Variants in TAFA2 observed in about 807,000 individuals in gnomAD.
TAFA2 encodes the protein chemokine-like protein TAFA-2.
A neutral mutation model predicts 18.8 loss-of-function variants in TAFA2; 7 were observed. The observed-to-expected ratio is 0.37, with a 90% CI of 0.21 to 0.70. The LOEUF (loss-of-function observed/expected upper bound fraction) is 0.70, where lower values mean the gene tolerates loss of function less well. TAFA2 is among the 30% of genes least tolerant of loss of function. TAFA2 has a pLI of 0.53. For synonymous variants in TAFA2, 60 were observed against 54.2 expected (o/e 1.11, Z -0.47); for missense variants, 122 against 158.1 (o/e 0.77, Z 1.23).
intron 4 of TAFA2, among the ~76,000 whole-genome samples, chr12:61,711,504 T>C (rs1228054803): frequency 6.6e-6 from 1 of 152,148 alleles, no homozygotes; most frequent in Non-Finnish European, 1.5e-5. Context: ...TTTTATTCTA[T>C]TAAGTGACAT....
At chr12:61,747,828 C>A (rs1333218507) in intron 4 of TAFA2, among the ~76,000 whole-genome samples, 9 of 150,536 alleles carry the variant, frequency 6.0e-5, no homozygotes, top group Non-Finnish European at 1.3e-4. Flanking sequence ...AACTAACCTG[C>A]ACATTGTGCA....
chr12:61,888,757 AAGAAG>A (rs1382322691), intron 1 of TAFA2, among the ~76,000 whole-genome samples: 7 of 152,230 alleles, frequency 4.6e-5, no homozygotes, highest in African/African-American at 1.7e-4. Context: ...AAACAATGTA[AAGAAG>A]AGAATTTCAG....
At chr12:61,736,633 G>C (rs140227794) in intron 4 of TAFA2, among the ~76,000 whole-genome samples, 2 of 151,946 alleles carry the variant, frequency 1.3e-5, no homozygotes, top group African/African-American at 4.8e-5. Context: ...TTTTGCTTGG[G>C]ATAGCTCTGA....
chr12:61,996,701 A>G (rs1880200654), intron 1 of TAFA2, among the ~76,000 whole-genome samples: 1 of 152,086 alleles, frequency 6.6e-6, no homozygotes, highest in African/African-American at 2.4e-5. Flanking sequence ...CTCTCTTCCA[A>G]GCACTCCACT....
intron 1 of TAFA2, among the ~76,000 whole-genome samples, chr12:62,082,732 G>T (rs1475844518): frequency 6.6e-6 from 1 of 152,144 alleles, no homozygotes; most frequent in Admixed American, 6.5e-5. Flanking sequence ...ATTACATCAA[G>T]TATTGAAATA....
At chr12:61,868,411 TA>T (rs1339922681) in intron 1 of TAFA2, among the ~76,000 whole-genome samples, 1 of 152,176 alleles carries the variant, frequency 6.6e-6, no homozygotes, top group Non-Finnish European at 1.5e-5. Context: ...CGATTAAATA[TA>T]TGTCTGTCAC....
intron 2 of TAFA2, among the ~76,000 whole-genome samples, chr12:61,763,540 C>G (rs1056754927): frequency 2.6e-5 from 4 of 151,834 alleles, no homozygotes; most frequent in African/African-American, 9.7e-5. Context: ...TAAGTGGACC[C>G]TTTATACACT....
At chr12:61,925,452 A>G (rs2121378134) in intron 1 of TAFA2, among the ~76,000 whole-genome samples, 1 of 152,328 alleles carries the variant, frequency 6.6e-6, no homozygotes, top group African/African-American at 2.4e-5. Context: ...CTGCACAACT[A>G]CTTGGAAACT....
chr12:62,109,540 GA>G (rs1213416990), intron 1 of TAFA2, among the ~76,000 whole-genome samples: 1 of 152,124 alleles, frequency 6.6e-6, no homozygotes, highest in African/African-American at 2.4e-5. Context: ...GCTTGATGGG[GA>G]TAACATTGAA....
At chr12:61,858,153 G>A (rs879343592) in intron 2 of TAFA2, among the ~76,000 whole-genome samples, 2 of 152,158 alleles carry the variant, frequency 1.3e-5, no homozygotes, top group African/African-American at 2.4e-5. Context: ...GCACAATCAC[G>A]AGCCCTGTGA....
chr12:62,220,838 T>G (rs2062757330), intron 1 of TAFA2, among the ~76,000 whole-genome samples: 1 of 151,268 alleles, frequency 6.6e-6, no homozygotes, highest in African/African-American at 2.4e-5. Flanking sequence ...CCGGGCGCGG[T>G]GGCTCACGCC....
chr12:62,025,884 G>A (rs1291007706), intron 1 of TAFA2, among the ~76,000 whole-genome samples: 2 of 151,812 alleles, frequency 1.3e-5, no homozygotes, highest in South Asian at 2.1e-4. Context: ...TAAAAATATT[G>A]AGCACCTACC....
chr12:62,217,410 C>G (rs11174376), intron 1 of TAFA2, among the ~76,000 whole-genome samples: 47,322 of 152,104 alleles, frequency 0.31, 8,186 homozygotes, highest in African/African-American at 0.47. Context: ...AAGCTCTCTG[C>G]AGTGCAACTG....
intron 1 of TAFA2, among the ~76,000 whole-genome samples, chr12:62,057,704 C>T (rs1044779880): frequency 1.3e-5 from 2 of 152,094 alleles, no homozygotes; most frequent in South Asian, 2.1e-4. Context: ...GTATCATTAC[C>T]TTTCTTTCAA....
chr12:62,064,709 C>T (rs896834984), intron 1 of TAFA2, among the ~76,000 whole-genome samples: 12 of 152,068 alleles, frequency 7.9e-5, no homozygotes, highest in African/African-American at 2.9e-4. Context: ...ACTTATATGA[C>T]TGAATTGCAT....
intron 1 of TAFA2, chr12:62,070,598 T>A (rs1281715933): frequency 6.6e-6 from 1 of 152,186 alleles, no homozygotes; most frequent in Admixed American, 6.5e-5. Flanking sequence ...AATTATCCAA[T>A]GAGTTCAGAG....
In TAFA2 at chr12:62,202,457, C is replaced by T. The variant is rs751982549; in HGVS notation, c.-130+56306G>A. Among the ~76,000 whole-genome samples, 7 of 151,882 alleles carry T rather than the reference C, an allele frequency of 4.6e-5. No individual in the cohort carries two copies. In the South Asian group the frequency reaches 8.3e-4, roughly 18 times the overall value. ...TGCCTCCCAGTTCAAGTGATTCTCT[C>T]GCCTCAGCCTCCCTAGTAGCTGGGC... On this transcript the variant is annotated intron_variant, in intron 1 of 5. Transcript: ENST00000551619.
intron 1 of TAFA2, among the ~76,000 whole-genome samples, chr12:62,256,858 G>A (rs1054649573): frequency 1.3e-5 from 2 of 152,044 alleles, no homozygotes; most frequent in Non-Finnish European, 2.9e-5. Flanking sequence ...CTACTCCCCC[G>A]CCTTTCCACT....
chr12:61,915,142 C>T (rs1418783346), intron 1 of TAFA2, among the ~76,000 whole-genome samples: 6 of 152,126 alleles, frequency 3.9e-5, no homozygotes, highest in Non-Finnish European at 8.8e-5. Flanking sequence ...GCCCGGGCAA[C>T]AGAGCGAGAC....
Sources: allele counts gnomAD v4.1 joint callset (sites outside exome capture counted in the v4.1 genomes callset), GRCh38; gene constraint gnomAD v4.1.1; transcripts MANE v1.5; gene names NCBI Gene and HGNC (gene_info 2026-07-23, HGNC 2026-07-21).